KCNG2: variants seen among roughly 807,000 people sequenced by gnomAD.
KCNG2 encodes voltage-gated potassium channel regulatory subunit KCNG2.
In KCNG2, 7 loss-of-function variants were observed where a neutral mutation model predicts 12.3. That is an observed-to-expected ratio of 0.57 (90% CI 0.32 to 1.07). KCNG2 has a LOEUF of 1.07. KCNG2 is among the 50% of genes least tolerant of loss of function. The pLI, the probability that KCNG2 is intolerant of heterozygous loss-of-function variation, is 0.04. For synonymous variants in KCNG2, 414 were observed against 351.4 expected, an observed-to-expected ratio of 1.18 and a Z score of -1.99; for missense variants, 703 against 726.0, an observed-to-expected ratio of 0.97 and a Z score of 0.36.
chr18:79,827,944 G>C (rs1978287437), intron 1 of KCNG2, among the ~76,000 whole-genome samples: 1 of 116,214 alleles, frequency 8.6e-6, no homozygotes, highest in Non-Finnish European at 1.8e-5. Flanking sequence ...TTTTTTTTGA[G>C]ATGTAGTCTC....
intron 1 of KCNG2, among the ~76,000 whole-genome samples, chr18:79,804,408 C>G (rs562568187): frequency 6.6e-6 from 1 of 152,238 alleles, no homozygotes; most frequent in Non-Finnish European, 1.5e-5. Context: ...CCAGGCCACA[C>G]ACCTGGGACT....
chr18:79,883,157 G>A (rs2123113034), intron 3 of KCNG2, among the ~76,000 whole-genome samples: 1 of 152,276 alleles, frequency 6.6e-6, no homozygotes, highest in South Asian at 2.1e-4. Context: ...GGCTCGCAGG[G>A]CCTGACGCGG....
chr18:79,862,841 T>C (rs1441528108), intron 2 of KCNG2, among the ~76,000 whole-genome samples: 1 of 152,210 alleles, frequency 6.6e-6, no homozygotes, highest in Non-Finnish European at 1.5e-5. Context: ...TTTGAGCCAG[T>C]CTTCCACGGA....
intron 1 of KCNG2, among the ~76,000 whole-genome samples, chr18:79,850,152 C>A (rs901912520): frequency 6.6e-5 from 10 of 152,310 alleles, no homozygotes; most frequent in South Asian, 2.1e-4. Context: ...CCCAGACAGC[C>A]GAAGCCCCTC....
chr18:79,837,816 C>G (rs116894695), intron 1 of KCNG2, among the ~76,000 whole-genome samples: 2,763 of 152,326 alleles, frequency 0.018, 39 homozygotes, highest in Middle Eastern at 0.034. Context: ...TTACCCAGTT[C>G]CAAAGTTGTG....
chr18:79,873,472 G>A (rs984233272), intron 3 of KCNG2, among the ~76,000 whole-genome samples: 34 of 139,620 alleles, frequency 2.4e-4, no homozygotes, highest in Non-Finnish European at 4.0e-4. Context: ...GATCCTCTGC[G>A]TGGCCACCGG....
chr18:79,815,546 G>A (rs1336466482), intron 1 of KCNG2, among the ~76,000 whole-genome samples: 2 of 151,928 alleles, frequency 1.3e-5, no homozygotes, highest in African/African-American at 2.4e-5. Flanking sequence ...CTTTATTTCT[G>A]CTGGATTCCT....
intron 3 of KCNG2, among the ~76,000 whole-genome samples, chr18:79,872,596 A>T (rs1599416379): frequency 6.6e-6 from 1 of 152,076 alleles, no homozygotes; most frequent in African/African-American, 2.4e-5. Context: ...TTCTTTTTCC[A>T]TAAAATCCCT....
chr18:79,799,601 G>A (rs1265881322), intron 1 of KCNG2, among the ~76,000 whole-genome samples: 1 of 152,242 alleles, frequency 6.6e-6, no homozygotes, highest in Non-Finnish European at 1.5e-5. Flanking sequence ...TCTGTCCAAG[G>A]CCAGTGCCAG....
chr18:79,869,911 G>A (rs1979763781), intron 3 of KCNG2, among the ~76,000 whole-genome samples: 2 of 152,266 alleles, frequency 1.3e-5, no homozygotes, highest in African/African-American at 4.8e-5. Context: ...CCGCAGCCGT[G>A]GCATGGATGT....
intron 3 of KCNG2, among the ~76,000 whole-genome samples, chr18:79,876,519 A>G (rs8095131): frequency 0.13 from 20,065 of 152,212 alleles, 1,617 homozygotes; most frequent in East Asian, 0.36. Context: ...CCGTTGTTCG[A>G]CCCAGTTGAA....
At chr18:79,863,207 G>A (rs906113073) in intron 2 of KCNG2, among the ~76,000 whole-genome samples, 6 of 152,252 alleles carry the variant, frequency 3.9e-5, no homozygotes, top group African/African-American at 1.2e-4. Context: ...GACGTGGCTG[G>A]TCCGCGGGAC....
chr18:79,806,111 A>G (rs2087447531), intron 1 of KCNG2, among the ~76,000 whole-genome samples: 1 of 152,220 alleles, frequency 6.6e-6, no homozygotes, highest in African/African-American at 2.4e-5. Context: ...GCAGGACAGC[A>G]GGTCTCAATC....
At position 79,814,609 on chromosome 18, in the gene KCNG2, C is replaced by T. The variant is rs561813770; in HGVS notation, c.-115+16595C>T. ...AGCTGGGAGGGGGTGGCAGGAGTGA[C>T]ACTGCCTGCGTGGGTCAGCATCAAT... On this transcript the variant is annotated intron_variant, in intron 1 of 3. Coordinates refer to ENST00000316249, the MANE Select transcript of KCNG2 (RefSeq NM_012283.2). 1.4e-4 allele frequency among the ~76,000 whole-genome samples: 21 copies of T among 152,318 alleles called. No individual in the cohort carries two copies. The South Asian group carries it at 4.1e-3, about 30-fold the overall frequency.
intron 1 of KCNG2, among the ~76,000 whole-genome samples, chr18:79,851,587 G>A (rs1362625075): frequency 5.3e-5 from 8 of 151,296 alleles, no homozygotes; most frequent in East Asian, 3.9e-4. Context: ...TTCAAGCTAC[G>A]CTGTGTGTGT....
At chr18:79,843,172 C>T (rs1978515761) in intron 1 of KCNG2, among the ~76,000 whole-genome samples, 1 of 152,058 alleles carries the variant, frequency 6.6e-6, no homozygotes, top group Admixed American at 6.5e-5. Flanking sequence ...CAACAGAAAC[C>T]TTGCAGGCCA....
chr18:79,801,319 C>T (rs2087408113), intron 1 of KCNG2, among the ~76,000 whole-genome samples: 2 of 152,256 alleles, frequency 1.3e-5, no homozygotes, highest in South Asian at 4.1e-4. Flanking sequence ...GAACCGGTAC[C>T]TGTGAAGGCC....
chr18:79,812,770 A>C (rs2087501387), intron 1 of KCNG2, among the ~76,000 whole-genome samples: 1 of 152,352 alleles, frequency 6.6e-6, no homozygotes, highest in Non-Finnish European at 1.5e-5. Flanking sequence ...CTGAGGCGCG[A>C]GAATCACTTG....
chr18:79,863,351 C>T (rs1008921270), intron 2 of KCNG2, among the ~76,000 whole-genome samples: 1 of 152,262 alleles, frequency 6.6e-6, no homozygotes, highest in Non-Finnish European at 1.5e-5. Flanking sequence ...CCGTTCGACC[C>T]CGTGTTCCAA....
Sources: allele counts gnomAD v4.1 joint callset (sites outside exome capture counted in the v4.1 genomes callset), GRCh38; gene constraint gnomAD v4.1.1; transcripts MANE v1.5; gene names NCBI Gene and HGNC (gene_info 2026-07-23, HGNC 2026-07-21).